Variants in SEMA6C observed in about 807,000 individuals in gnomAD.
The protein encoded by SEMA6C is semaphorin 6C, also known as semaphorin-6C.
SEMA6C carries 37 observed loss-of-function variants against 72.9 expected under a neutral mutation model. The observed-to-expected ratio is 0.51, with a 90% confidence interval of 0.39 to 0.67. The LOEUF (loss-of-function observed/expected upper bound fraction) is 0.67. Ranked by LOEUF, SEMA6C falls within the 30% of genes least tolerant of loss-of-function variation. SEMA6C has a pLI of 0.00. For missense variants in SEMA6C, 1,189 were observed against 1,263.6 expected (o/e 0.94, Z 0.89); for synonymous variants, 578 against 554.1 (o/e 1.04, Z -0.61).
At chr1:151,138,776 C>T in intron 6 of SEMA6C, 45 bp from the exon 7 acceptor site, 1 of 1,450,650 alleles carries the variant, frequency 6.9e-7, no homozygotes, top group South Asian at 1.1e-5. Flanking sequence ...GGTCCTGGGA[C>T]TGAGAACAGG....
Position 151,133,084 on chromosome 1 carries a change from A to T in SEMA6C, c.2193T>A (p.Gly731=), listed in dbSNP as rs777956376. 4 of 1,545,216 alleles carry T rather than the reference A, an allele frequency of 2.6e-6. No homozygotes were observed. In the African/African-American group the frequency reaches 4.3e-5, roughly 17 times the overall value. Residue 731 remains glycine (G), a synonymous_variant, in exon 19 of 19, where the codon GGT becomes GGA. Coordinates refer to ENST00000368914, the MANE Select transcript of SEMA6C (RefSeq NM_030913.6). The surrounding 1 kb of genome is among the most constrained non-coding windows in gnomAD (Gnocchi z 5.9). ...CGTGCCCGCCCCGTGAGCGGCCCGG[A>T]CCCTCCTTGGCGTTGTTCCTGTTCT... is the stretch of plus-strand genomic sequence containing the variant. ...WNQNRNNAKE[G]PGRSRGGHAA... is the part of the protein sequence containing the mutation.
Position 151,136,453 on chromosome 1 carries a change from T to G in SEMA6C, c.1101A>C (p.Ser367=). 1 of 1,613,334 alleles carries G rather than the reference T, an allele frequency of 6.2e-7. No homozygotes were observed. The highest frequency in any genetic ancestry group is 8.5e-7 in the Non-Finnish European group (1 of 1,179,796). The change falls in exon 12 of 19, where the codon TCA becomes TCC. Residue 367 remains serine (S), a synonymous_variant. Transcript: ENST00000368914. The part of the protein sequence containing the change: ...WTPVSEDRVP[S]PRPGSCAGVG... Reference sequence around the variant, plus strand: ...AACAACTCCATCCTGGGTACCTGGGTGAGGGAACTCTGTCCTCAGACACAG... The same window carrying G: ...AACAACTCCATCCTGGGTACCTGGGGGAGGGAACTCTGTCCTCAGACACAG...
chr1:151,136,183 G>A lies in SEMA6C; in HGVS notation c.1107-20C>T, dbSNP rs1485513729. 2 of 1,612,646 alleles carry A rather than the reference G, an allele frequency of 1.2e-6. No individual in the cohort carries two copies. The highest frequency in any genetic ancestry group is 2.2e-5 in the South Asian group (2 of 91,018). ...CCTGGCCTGGTGGGTGAATGGGAAG[G>A]GGCTGCCTTTGGACTGGGAGCTGGA... is the stretch of plus-strand genomic sequence containing the variant. On this transcript the variant is annotated intron_variant, in intron 12 of 18. Transcript: ENST00000368914.
rs201600188 is a variant in SEMA6C, at chr1:151,135,784, G to T, written c.1260-20C>A. ...AGGGCCCTGGAGGAAAGGGCCTCAGGTCAGGGAACCTGTCTAGTGGAAACC... is the reference window on the plus strand; with the variant it reads ...AGGGCCCTGGAGGAAAGGGCCTCAGTTCAGGGAACCTGTCTAGTGGAAACC... On this transcript the variant is annotated intron_variant, in intron 13 of 18. Coordinates refer to ENST00000368914, the MANE Select transcript of SEMA6C (RefSeq NM_030913.6). The T allele has an allele frequency of 1.2e-6, 2 of 1,612,446 alleles. No homozygotes were observed. The highest frequency in any genetic ancestry group is 2.2e-5 in the East Asian group (1 of 44,882).
intron 3 of SEMA6C, among the ~76,000 whole-genome samples, chr1:151,140,677 T>C (rs1200184953): frequency 6.6e-6 from 1 of 152,080 alleles, no homozygotes; most frequent in African/African-American, 2.4e-5. Flanking sequence ...ATAGCCAGAG[T>C]TCAGGGATAA....
intron 7 of SEMA6C, 43 bp downstream of exon 7, chr1:151,138,587 G>GT (rs762965545): frequency 1.3e-6 from 2 of 1,582,904 alleles, no homozygotes; most frequent in African/African-American, 2.7e-5. Flanking sequence ...CCATCTTGGG[G>GT]TCCCCCCAAC....
chr1:151,139,018 C>T (rs1491003787), intron 6 of SEMA6C, among the ~76,000 whole-genome samples: 4 of 148,490 alleles, frequency 2.7e-5, no homozygotes, highest in Non-Finnish European at 4.4e-5. Context: ...GCTTGAACCA[C>T]GGAGGCGGAG....
chr1:151,142,493 T>C lies in SEMA6C; in HGVS notation c.118+11A>G, dbSNP rs1244011052. On this transcript the variant is annotated intron_variant, in intron 3 of 18. Transcript: ENST00000368914. ...CACAGAGATGGGGCAAGGTAGGTAC[T>C]GGGCACTCACCTTGAAGGTCAGAGA... 1 of 1,613,312 alleles carries C rather than the reference T, an allele frequency of 6.2e-7. No individual in the cohort carries two copies. The highest frequency in any genetic ancestry group is 1.7e-5 in the Admixed American group (1 of 59,996).
chr1:151,132,349 G>T lies in SEMA6C; in HGVS notation c.*135C>A, dbSNP rs1681602615. 3 of 1,539,674 alleles carry T rather than the reference G, an allele frequency of 1.9e-6. No individual in the cohort carries two copies. The highest frequency in any genetic ancestry group is 2.8e-5 in the African/African-American group (2 of 72,564). On this transcript the variant is annotated 3_prime_UTR_variant, in exon 19 of 19. Coordinates refer to ENST00000368914, the MANE Select transcript of SEMA6C (RefSeq NM_030913.6). ...AATAAATAAACCCGAGGCGAAAAGG[G>T]GCCTCGGGAGACTCTGCGAGTCGGG...
In SEMA6C at chr1:151,134,613, T is replaced by C. The variant is rs899341276; in HGVS notation, c.1714+7A>G. On this transcript the variant is annotated splice_region_variant and intron_variant, in intron 17 of 18. Coordinates refer to ENST00000368914, the MANE Select transcript of SEMA6C (RefSeq NM_030913.6). ...TGGCTGCAACAGCAGCTGCCTCTTC[T>C]GTTTACCTTGGCAGTCACCATGCTC... 2 of 1,614,184 alleles carry C rather than the reference T, an allele frequency of 1.2e-6. No homozygotes were observed. The highest frequency in any genetic ancestry group is 1.7e-6 in the Non-Finnish European group (2 of 1,180,002).
intron 4 of SEMA6C, 110 bp downstream of exon 4, chr1:151,139,866 G>C (rs1385189945): frequency 1.6e-6 from 2 of 1,248,846 alleles, no homozygotes; most frequent in Non-Finnish European, 2.3e-6. Context: ...ACACCCCGTG[G>C]CTTGTGCACC....
At chr1:151,141,617 G>A (rs141930609) in intron 3 of SEMA6C, among the ~76,000 whole-genome samples, 1,653 of 152,060 alleles carry the variant, frequency 0.011, 44 homozygotes, top group African/African-American at 0.038. Context: ...CACCATGTTA[G>A]CCAGGCAGGT....
chr1:151,136,938 T>A lies in SEMA6C; in HGVS notation c.893A>T (p.Asp298Val). 3 of 1,613,852 alleles carry A rather than the reference T, an allele frequency of 1.9e-6. No homozygotes were observed. The highest frequency in any genetic ancestry group is 2.5e-6 in the Non-Finnish European group (3 of 1,179,962). The change falls in exon 11 of 19, where the codon GAT becomes GTT. Residue 298 changes from aspartate to valine, a missense_variant. Coordinates refer to ENST00000368914, the MANE Select transcript of SEMA6C (RefSeq NM_030913.6). Reference protein sequence around the residue: ...SVPGDSTFYFDVLQALTGPVN... With the variant: ...SVPGDSTFYFVVLQALTGPVN... Reference sequence around the variant, plus strand: ...AGGCCCAGTCAAGGCCTGTAAAACATCAAAATAGAAAGTAGAGTCCCCAGG... The same window carrying A: ...AGGCCCAGTCAAGGCCTGTAAAACAACAAAATAGAAAGTAGAGTCCCCAGG...
rs1682582681 is a variant in SEMA6C, at chr1:151,141,856, C to T, written c.118+648G>A. Reference sequence around the variant, plus strand: ...ATCACAGAGCACTACATCCTGGGCTCAAGTGATCTTCCTGCCTCAGCCTCC... The same window carrying T: ...ATCACAGAGCACTACATCCTGGGCTTAAGTGATCTTCCTGCCTCAGCCTCC... On this transcript the variant is annotated intron_variant, in intron 3 of 18. Transcript: ENST00000368914. 2.0e-5 allele frequency among the ~76,000 whole-genome samples: 3 copies of T among 151,180 alleles called. No homozygotes were observed. The South Asian group carries it at 6.3e-4, about 32-fold the overall frequency.
chr1:151,135,478 G>T, intron 14 of SEMA6C, 113 bp downstream of exon 14: 1 of 1,456,934 alleles, frequency 6.9e-7, no homozygotes. Context: ...CTAGCCCAGA[G>T]CTCCCACCCT....
At position 151,134,424 on chromosome 1, in the gene SEMA6C, G is replaced by C; in HGVS notation, c.1736C>G (p.Ser579Cys). The change falls in exon 18 of 19, where the codon TCT (serine) becomes TGT (cysteine). Residue 579 changes from serine (S) to cysteine (C), a missense_variant. By Grantham distance (112) the Ser-to-Cys change is moderately radical. Coordinates refer to ENST00000368914, the MANE Select transcript of SEMA6C (RefSeq NM_030913.6). Reference sequence around the variant, plus strand: ...ACCATAAGCAGAATCCCCAGGGCCAGACTGACTCCCAGTAGCTCCATCTAT... The same window carrying C: ...ACCATAAGCAGAATCCCCAGGGCCACACTGACTCCCAGTAGCTCCATCTAT... ...DCQDGATGSQSGPGDSAYGVR... is the reference protein window; with the variant it reads ...DCQDGATGSQCGPGDSAYGVR... 1.9e-6 allele frequency: 3 copies of C among 1,597,684 alleles called. 1 individual carries two copies. The South Asian group carries it at 3.4e-5, about 18-fold the overall frequency.
Position 151,133,236 on chromosome 1 carries a change from T to C in SEMA6C, c.2041A>G (p.Thr681Ala). ...GDAVQTPQLY[T>A]TFLPPPEGVP... ...CCCTCCGGAGGCGGCAGGAAGGTGG[T>C]GTAGAGCTGCGGCGTCTGCACCGCG... The change falls in exon 19 of 19, where the codon ACC becomes GCC. Residue 681 changes from threonine (T) to alanine (A), a missense_variant. Around this residue, in one of 2 missense-constraint regions of SEMA6C, gnomAD observed 721 missense variants for 686.2 expected, o/e 1.05. Transcript: ENST00000368914. This position sits in a 1 kb window ranked among gnomAD's most constrained non-coding sequence, Gnocchi z 5.9. 1 of 1,580,742 alleles carries C rather than the reference T, an allele frequency of 6.3e-7. No individual in the cohort carries two copies. The highest frequency in any genetic ancestry group is 8.5e-7 in the Non-Finnish European group (1 of 1,169,754).
At chr1:151,137,108 A>G (rs752594492) in intron 10 of SEMA6C, 34 bp from the exon 11 acceptor site, 4 of 1,582,776 alleles carry the variant, frequency 2.5e-6, no homozygotes, top group Non-Finnish European at 3.5e-6. Context: ...CAATGGTGAG[A>G]CAGACCCACA....
chr1:151,139,643 T>C lies in SEMA6C; in HGVS notation c.292A>G (p.Asn98Asp), dbSNP rs1682363511. The change falls in exon 5 of 19, where the codon AAC (asparagine) becomes GAC (aspartate). Residue 98 changes from asparagine to aspartate, a missense_variant. Physicochemically the swap from Asn to Asp is conservative, Grantham distance 23. Transcript: ENST00000368914. ...AEEEGEGLVP[N>D]KYLTWRSQDV... ...CTTCCCACACAGCCCCTCACCTTGT[T>C]GGGCACCAGCCCCTCCCCTTCTTCT... is the stretch of plus-strand genomic sequence containing the variant. The C allele has an allele frequency of 6.2e-7, 1 of 1,607,428 alleles. No homozygotes were observed. The highest frequency in any genetic ancestry group is 1.3e-5 in the African/African-American group (1 of 74,816).
Sources: gnomAD v4.1 joint callset for allele counts (sites outside exome capture counted in the v4.1 genomes callset) on GRCh38, gnomAD v4.1.1 for gene constraint, gnomAD v4.1.1 regional missense constraint, Gnocchi (gnomAD v3.1) non-coding constraint, MANE v1.5 for transcripts, NCBI Gene and HGNC (gene_info 2026-07-23, HGNC 2026-07-21) for gene names.